CTNNA3: variants seen among roughly 807,000 people sequenced by gnomAD.
CTNNA3 encodes the protein catenin alpha 3.
A neutral mutation model predicts 95.7 loss-of-function variants in CTNNA3; 76 were observed. That is an observed-to-expected ratio of 0.79 (90% CI 0.66 to 0.96). The LOEUF is 0.96. CTNNA3 is among the 40% of genes least tolerant of loss of function. The pLI, the probability that CTNNA3 is intolerant of heterozygous loss-of-function variation, is 0.00. For missense variants in CTNNA3, 1,191 were observed against 1,089.8 expected (o/e 1.09, Z -1.31); for synonymous variants, 431 against 374.4 (o/e 1.15, Z -1.74).
intron 3 of CTNNA3, among the ~76,000 whole-genome samples, chr10:67,559,591 C>A (rs1258271457): frequency 6.6e-6 from 1 of 152,166 alleles, no homozygotes; most frequent in African/African-American, 2.4e-5. Context: ...GCCTCTCCTC[C>A]TCCAAAGGAA....
chr10:66,640,472 G>A lies in CTNNA3; in HGVS notation c.1282-18688C>T, dbSNP rs368479219. Among the ~76,000 whole-genome samples, 21 of 152,234 alleles carry A rather than the reference G, an allele frequency of 1.4e-4. 1 individual carries two copies. In the South Asian group the frequency reaches 3.9e-3, roughly 29 times the overall value. ...CAGAGTCCCTAAGAGTTCAGGTAAGGTTTCAGTTGCAACCACATTCATTGT... is the reference window on the plus strand; with the variant it reads ...CAGAGTCCCTAAGAGTTCAGGTAAGATTTCAGTTGCAACCACATTCATTGT... On this transcript the variant is annotated intron_variant, in intron 9 of 17. Transcript: ENST00000433211.
intron 11 of CTNNA3, among the ~76,000 whole-genome samples, chr10:66,455,487 A>T (rs1285320760): frequency 1.3e-5 from 2 of 152,118 alleles, no homozygotes; most frequent in African/African-American, 4.8e-5. Flanking sequence ...TCAGTAGATG[A>T]CAACAGAACC....
At chr10:66,037,962 G>A (rs542326436) in intron 15 of CTNNA3, among the ~76,000 whole-genome samples, 4 of 152,286 alleles carry the variant, frequency 2.6e-5, no homozygotes, top group East Asian at 1.9e-4. Context: ...TGCATAAAGC[G>A]AAGGGGAGGG....
intron 5 of CTNNA3, among the ~76,000 whole-genome samples, chr10:67,258,196 A>G (rs1460513899): frequency 1.3e-5 from 2 of 151,952 alleles, no homozygotes; most frequent in South Asian, 2.1e-4. Flanking sequence ...CAGGCTGGAG[A>G]GCAGTGGCTT....
At chr10:67,549,071 G>C (rs1260850219) in intron 3 of CTNNA3, among the ~76,000 whole-genome samples, 2 of 151,950 alleles carry the variant, frequency 1.3e-5, no homozygotes, top group African/African-American at 4.8e-5. Context: ...GTTTTAGTAA[G>C]GACCTTTGAA....
chr10:67,588,821 T>C (rs1348444462), intron 3 of CTNNA3, among the ~76,000 whole-genome samples: 1 of 152,200 alleles, frequency 6.6e-6, no homozygotes, highest in Non-Finnish European at 1.5e-5. Context: ...TTTTTAGATA[T>C]CTAAATCTAA....
At chr10:65,948,198 A>ATGACCCCGG (rs1405644626) in intron 17 of CTNNA3, among the ~76,000 whole-genome samples, 1 of 150,244 alleles carries the variant, frequency 6.7e-6, no homozygotes, top group Non-Finnish European at 1.5e-5. Flanking sequence ...GGAGAATGGC[A>ATGACCCCGG]TGACCCCGGG....
intron 5 of CTNNA3, among the ~76,000 whole-genome samples, chr10:67,440,658 G>C (rs1846472751): frequency 6.6e-6 from 1 of 152,128 alleles, no homozygotes; most frequent in Non-Finnish European, 1.5e-5. Context: ...ATTTGTTTGA[G>C]AGAAAGTAAG....
At chr10:67,136,955 A>G (rs1484969118) in intron 7 of CTNNA3, among the ~76,000 whole-genome samples, 3 of 152,198 alleles carry the variant, frequency 2.0e-5, no homozygotes, top group African/African-American at 7.2e-5. Flanking sequence ...GGGGGCATAT[A>G]AAAAGGACCA....
intron 5 of CTNNA3, among the ~76,000 whole-genome samples, chr10:67,275,041 C>A (rs1839135798): frequency 6.6e-6 from 1 of 152,062 alleles, no homozygotes; most frequent in African/African-American, 2.4e-5. Context: ...GATTATACAA[C>A]CCACATTTTC....
At chr10:66,472,326 C>T (rs546994267) in intron 11 of CTNNA3, among the ~76,000 whole-genome samples, 34 of 151,874 alleles carry the variant, frequency 2.2e-4, no homozygotes, top group Admixed American at 5.3e-4. Context: ...AAGACATCTC[C>T]CCTGTAGACT....
intron 7 of CTNNA3, among the ~76,000 whole-genome samples, chr10:66,859,148 A>G (rs1331355743): frequency 1.3e-5 from 2 of 152,122 alleles, no homozygotes; most frequent in African/African-American, 4.8e-5. Context: ...GCTGAGGAAT[A>G]TGGAGACTGA....
chr10:66,719,526 C>T (rs182052175), intron 9 of CTNNA3, among the ~76,000 whole-genome samples: 83 of 152,278 alleles, frequency 5.5e-4, no homozygotes, highest in African/African-American at 1.9e-3. Flanking sequence ...ATCCAGTACA[C>T]AGTATCCACT....
chr10:67,402,528 G>A (rs1844962435), intron 5 of CTNNA3, among the ~76,000 whole-genome samples: 1 of 152,140 alleles, frequency 6.6e-6, no homozygotes, highest in African/African-American at 2.4e-5. Flanking sequence ...GAAATATCCA[G>A]GTTTTCGCAC....
At chr10:66,392,101 A>C (rs2092938013) in intron 11 of CTNNA3, among the ~76,000 whole-genome samples, 1 of 152,020 alleles carries the variant, frequency 6.6e-6, no homozygotes, top group Admixed American at 6.6e-5. Context: ...GACTTCGTAA[A>C]AATTTAAAAC....
At chr10:66,782,780 T>A (rs922345278) in intron 7 of CTNNA3, among the ~76,000 whole-genome samples, 2 of 152,166 alleles carry the variant, frequency 1.3e-5, no homozygotes, top group Admixed American at 1.3e-4. Context: ...AAAAATAATA[T>A]CTATCCTATT....
chr10:66,315,848 A>C (rs2092093872), intron 12 of CTNNA3, among the ~76,000 whole-genome samples: 1 of 152,092 alleles, frequency 6.6e-6, no homozygotes, highest in African/African-American at 2.4e-5. Flanking sequence ...CTAAAACATG[A>C]AGGCAAATAA....
At chr10:67,115,132 A>G (rs900955137) in intron 7 of CTNNA3, among the ~76,000 whole-genome samples, 24 of 152,098 alleles carry the variant, frequency 1.6e-4, no homozygotes, top group African/African-American at 5.8e-4. Flanking sequence ...CTAATATTTG[A>G]CTAACTTCAA....
chr10:66,831,821 C>T (rs956946474), intron 7 of CTNNA3, among the ~76,000 whole-genome samples: 4 of 152,148 alleles, frequency 2.6e-5, no homozygotes, highest in Non-Finnish European at 5.9e-5. Flanking sequence ...ATGATGAATT[C>T]TCTTTTATCT....
Sources: gnomAD v4.1 joint callset for allele counts (sites outside exome capture counted in the v4.1 genomes callset) on GRCh38, gnomAD v4.1.1 for gene constraint, MANE v1.5 for transcripts, NCBI Gene and HGNC (gene_info 2026-07-23, HGNC 2026-07-21) for gene names.